The following ASB2 variants were observed in gnomAD, a reference collection of about 807,000 sequenced individuals.
ASB2 encodes ankyrin repeat and SOCS box protein 2.
A neutral mutation model predicts 62.4 loss-of-function variants in ASB2; 58 were observed. The observed-to-expected ratio is 0.93, with a 90% CI of 0.75 to 1.16. ASB2 has a LOEUF of 1.16. ASB2 is among the 50% of genes most tolerant of loss of function. The pLI, the probability that ASB2 is intolerant of heterozygous loss-of-function variation, is 0.00. For missense variants in ASB2, 928 were observed against 887.9 expected (o/e 1.05, Z -0.57); for synonymous variants, 386 against 385.3 (o/e 1.00, Z -0.02).
intron 1 of ASB2, among the ~76,000 whole-genome samples, chr14:93,968,453 T>C (rs1224246306): frequency 1.3e-5 from 2 of 152,196 alleles, no homozygotes; most frequent in African/African-American, 2.4e-5. Context: ...GAGAGACATA[T>C]AGAAAGCTGG....
intron 2 of ASB2, among the ~76,000 whole-genome samples, chr14:93,961,131 C>T (rs1030569878): frequency 2.0e-5 from 3 of 152,062 alleles, no homozygotes; most frequent in Non-Finnish European, 4.4e-5. Flanking sequence ...CAGACAGGGC[C>T]GGGGAGGTCA....
At chr14:93,961,751 G>A (rs59530016) in intron 2 of ASB2, among the ~76,000 whole-genome samples, 8 of 152,356 alleles carry the variant, frequency 5.3e-5, no homozygotes, top group East Asian at 1.9e-4. Context: ...ACTGTAATGC[G>A]TGTCTGGGTG....
chr14:93,960,086 A>G (rs2141306835), intron 2 of ASB2, among the ~76,000 whole-genome samples: 1 of 152,244 alleles, frequency 6.6e-6, no homozygotes. Context: ...CATTGCACCA[A>G]GCATCTCATT....
chr14:93,953,497 C>T lies in ASB2; in HGVS notation c.489G>A (p.Gly163=), dbSNP rs773701232. The T allele has an allele frequency of 2.4e-5, 38 of 1,588,180 alleles. No individual in the cohort carries two copies. Among genetic ancestry groups the T allele is most frequent in the Non-Finnish European group, 3.1e-5 (36 of 1,160,938 alleles). Residue 163 remains glycine, a synonymous_variant, in exon 5 of 10, where the codon GGG becomes GGA. Coordinates refer to ENST00000555019, the MANE Select transcript of ASB2 (RefSeq NM_001202429.2). The part of the protein sequence containing the change: ...CLKVLQRAYP[G]TIDQRTLQEE... ...CCTGCAGGGTGCGCTGGTCGATGGT[C>T]CCTGGGTACGCTAGGGAGGGCCCAC...
intron 9 of ASB2, among the ~76,000 whole-genome samples, chr14:93,936,508 G>T (rs1395445160): frequency 1.3e-5 from 2 of 152,214 alleles, no homozygotes; most frequent in Non-Finnish European, 2.9e-5. Flanking sequence ...TTCCCTGAAG[G>T]TTTATCATGC....
chr14:93,939,368 A>T lies in ASB2; in HGVS notation c.1357T>A (p.Cys453Ser). ...AGCAGCAGCTGCATTGTGCGCAGGC[A>T]GCCGTGGCGGATGGCCACGAGCAAG... ...SPLLVAIRHG[C>S]LRTMQLLLDH... The change falls in exon 8 of 10, where the codon TGC (cysteine) becomes AGC (serine). Residue 453 changes from cysteine (C) to serine (S), a missense_variant. Physicochemically the swap from Cys to Ser is moderately radical, Grantham distance 112 (BLOSUM62 -1). Transcript: ENST00000555019. 6.2e-7 allele frequency: 1 copy of T among 1,612,798 alleles called. No individual in the cohort carries two copies. The highest frequency in any genetic ancestry group is 8.5e-7 in the Non-Finnish European group (1 of 1,179,794).
intron 2 of ASB2, among the ~76,000 whole-genome samples, chr14:93,958,341 G>A (rs1431443135): frequency 6.6e-6 from 1 of 152,142 alleles, no homozygotes; most frequent in Non-Finnish European, 1.5e-5. Flanking sequence ...AACTGTGCAG[G>A]GTCACCTTCA....
intron 2 of ASB2, among the ~76,000 whole-genome samples, chr14:93,959,198 C>T (rs528568627): frequency 6.6e-6 from 1 of 152,342 alleles, no homozygotes; most frequent in Admixed American, 6.5e-5. Context: ...CAGGCCCACT[C>T]TGGGTGGTGA....
chr14:93,970,785 G>A (rs772882538), intron 1 of ASB2, among the ~76,000 whole-genome samples: 18 of 152,148 alleles, frequency 1.2e-4, no homozygotes, highest in Non-Finnish European at 2.4e-4. Context: ...TCCTGGCCAC[G>A]TGATGTGAAG....
chr14:93,951,164 A>G lies in ASB2; in HGVS notation c.715T>C (p.Trp239Arg), dbSNP rs750043809. Residue 239 changes from tryptophan (W) to arginine (R), a missense_variant, in exon 6 of 10, where the codon TGG (tryptophan) becomes CGG (arginine). Coordinates refer to ENST00000555019, the MANE Select transcript of ASB2 (RefSeq NM_001202429.2). ...GACACAGACTCGTGCAGAGCGGTCC[A>G]GCCGCGGTTGCAGCGGTGGTTGGTG... The part of the protein sequence containing the change: ...ADTNHRCNRG[W>R]TALHESVSRN... 2 of 1,614,034 alleles carry G rather than the reference A, an allele frequency of 1.2e-6. No individual in the cohort carries two copies. Among genetic ancestry groups the G allele is most frequent in the Non-Finnish European group, 1.7e-6 (2 of 1,179,962 alleles).
Position 93,950,992 on chromosome 14 carries a change from C to T in ASB2, c.880+7G>A, listed in dbSNP as rs1314125239. 1.9e-6 allele frequency: 3 copies of T among 1,610,774 alleles called. No individual in the cohort carries two copies. Among genetic ancestry groups the T allele is most frequent in the Non-Finnish European group, 2.5e-6 (3 of 1,178,206 alleles). On this transcript the variant is annotated splice_region_variant and intron_variant, in intron 6 of 9. Coordinates refer to ENST00000555019, the MANE Select transcript of ASB2 (RefSeq NM_001202429.2). ...ACTCCATGACCTAGGGACCCTTAGC[C>T]ACTCACCGTACTTGGCTAAGAACCT...
chr14:93,956,718 T>C, intron 3 of ASB2, 48 bp downstream of exon 3: 1 of 1,610,356 alleles, frequency 6.2e-7, no homozygotes, highest in African/African-American at 1.3e-5. Flanking sequence ...CCATCCCAGT[T>C]AGCGGAGTGA....
At position 93,939,456 on chromosome 14, in the gene ASB2, G is replaced by A. The variant is rs1406076696; in HGVS notation, c.1269C>T (p.Asn423=). Residue 423 remains asparagine (N), a synonymous_variant, in exon 8 of 10, where the codon AAC becomes AAT. Coordinates refer to ENST00000555019, the MANE Select transcript of ASB2 (RefSeq NM_001202429.2). ...SALYFAVVNN[N]VYATELLLQH... ...GCAGCAGCAGCTCGGTGGCGTACAC[G>A]TTGTTGTTGACCACCGCGAAGTACA... 2 of 1,612,438 alleles carry A rather than the reference G, an allele frequency of 1.2e-6. No individual in the cohort carries two copies. Among genetic ancestry groups the A allele is most frequent in the Non-Finnish European group, 1.7e-6 (2 of 1,179,754 alleles).
chr14:93,947,211 G>C, intron 7 of ASB2, 138 bp downstream of exon 7: 3 of 856,948 alleles, frequency 3.5e-6, no homozygotes, highest in African/African-American at 1.7e-5. Context: ...CATGGGAAAG[G>C]TGATGTCCAT....
At chr14:93,947,879 A>T (rs1888795779) in intron 6 of ASB2, among the ~76,000 whole-genome samples, 4 of 151,554 alleles carry the variant, frequency 2.6e-5, no homozygotes, top group Non-Finnish European at 5.9e-5. Context: ...CAGTAATCCC[A>T]GCTACTCGGG....
At chr14:93,951,611 G>T (rs1888971787) in intron 5 of ASB2, among the ~76,000 whole-genome samples, 1 of 152,228 alleles carries the variant, frequency 6.6e-6, no homozygotes, top group Non-Finnish European at 1.5e-5. Flanking sequence ...CTTGCCCAAA[G>T]TCACACAGAT....
intron 2 of ASB2, among the ~76,000 whole-genome samples, chr14:93,962,235 T>C (rs535316014): frequency 0.016 from 2,307 of 144,288 alleles, 28 homozygotes; most frequent in Non-Finnish European, 0.023. Context: ...CTGCCTCAGC[T>C]TCCCAAGTAG....
In ASB2 at chr14:93,964,374, A is replaced by C. The variant is rs561031267; in HGVS notation, c.166T>G (p.Cys56Gly). Residue 56 changes from cysteine to glycine, a missense_variant, in exon 2 of 10, where the codon TGT becomes GGT. By Grantham distance (159) the Cys-to-Gly change is radical. Coordinates refer to ENST00000555019, the MANE Select transcript of ASB2 (RefSeq NM_001202429.2). ...PTTAEATASA[C>G]TNRQPAHFYP... ...AAATGGGCAGGTTGGCGGTTGGTAC[A>C]TGCAGACGCGGTGGCCTCAGCAGTG... The C allele has an allele frequency of 1.3e-6, 2 of 1,536,158 alleles. No homozygotes were observed. Among genetic ancestry groups the C allele is most frequent in the Non-Finnish European group, 1.7e-6 (2 of 1,146,908 alleles).
intron 3 of ASB2, among the ~76,000 whole-genome samples, chr14:93,956,123 C>T (rs978974850): frequency 1.3e-5 from 2 of 152,160 alleles, no homozygotes; most frequent in Admixed American, 6.5e-5. Context: ...TTGCTTTTGG[C>T]TGCTTCCGGG....
Sources: allele counts gnomAD v4.1 joint callset (sites outside exome capture counted in the v4.1 genomes callset), GRCh38; gene constraint gnomAD v4.1.1; transcripts MANE v1.5; gene names NCBI Gene and HGNC (gene_info 2026-07-23, HGNC 2026-07-21).